The following DNAH11 variants were observed in gnomAD, a reference collection of about 807,000 sequenced individuals.
DNAH11 encodes dynein axonemal heavy chain 11.
DNAH11 carries 442 observed loss-of-function variants against 526.0 expected under a neutral mutation model. That is an observed-to-expected ratio of 0.84 (90% CI 0.78 to 0.91). The LOEUF (loss-of-function observed/expected upper bound fraction) is 0.91, where lower values mean the gene tolerates loss of function less well. Among genes scored for constraint, DNAH11 ranks in the 40% least tolerant of loss-of-function variants. DNAH11 has a pLI of 0.00. For missense variants in DNAH11, 6,989 were observed against 5,448.7 expected (o/e 1.28, Z -8.90); for synonymous variants, 2,461 against 1,935.9 (o/e 1.27, Z -7.12).
At chr7:21,684,541 A>C (rs2128473230) in intron 32 of DNAH11, among the ~76,000 whole-genome samples, 1 of 152,338 alleles carries the variant, frequency 6.6e-6, no homozygotes, top group South Asian at 2.1e-4. Context: ...ATTGTCTTGA[A>C]GGGAGAGCCT....
intron 22 of DNAH11, 38 bp from the exon 23 acceptor site, chr7:21,617,581 A>G (rs1232764533): frequency 6.2e-7 from 1 of 1,610,152 alleles, no homozygotes; most frequent in Non-Finnish European, 8.5e-7. Context: ...ACTGTGTTAT[A>G]TCTTGGGAGC....
At chr7:21,731,012 T>C (rs1785359901) in intron 45 of DNAH11, among the ~76,000 whole-genome samples, 2 of 152,012 alleles carry the variant, frequency 1.3e-5, no homozygotes, top group African/African-American at 4.8e-5. Flanking sequence ...GGTGTGGTGG[T>C]GTGCGCCTAT....
chr7:21,802,303 C>T (rs1789030067), intron 62 of DNAH11, among the ~76,000 whole-genome samples: 1 of 151,998 alleles, frequency 6.6e-6, no homozygotes, highest in Non-Finnish European at 1.5e-5. Context: ...TCATAACCAC[C>T]AGGATGACTA....
intron 25 of DNAH11, among the ~76,000 whole-genome samples, chr7:21,626,820 G>A (rs997944824): frequency 8.5e-5 from 12 of 141,310 alleles, no homozygotes; most frequent in East Asian, 4.2e-4. Context: ...GCGTGATCTC[G>A]GCTCACTGCA....
intron 63 of DNAH11, among the ~76,000 whole-genome samples, chr7:21,813,392 A>G (rs560142949): frequency 6.6e-6 from 1 of 152,348 alleles, no homozygotes; most frequent in South Asian, 2.1e-4. Context: ...AAATAGAGAT[A>G]TCTACCTTGC....
intron 46 of DNAH11, among the ~76,000 whole-genome samples, chr7:21,737,128 T>C (rs751890396): frequency 1.4e-4 from 21 of 152,162 alleles, no homozygotes; most frequent in Non-Finnish European, 2.4e-4. Flanking sequence ...ATTTCAAACA[T>C]TTGAGCTGGG....
chr7:21,827,016 C>A (rs1442197779), intron 65 of DNAH11, among the ~76,000 whole-genome samples: 1 of 152,158 alleles, frequency 6.6e-6, no homozygotes, highest in Admixed American at 6.5e-5. Context: ...GTAATGAATA[C>A]TAATTACTCC....
At chr7:21,748,074 G>A (rs1466559214) in intron 51 of DNAH11, among the ~76,000 whole-genome samples, 3 of 152,184 alleles carry the variant, frequency 2.0e-5, no homozygotes, top group African/African-American at 4.8e-5. Flanking sequence ...GCAGTTCAAG[G>A]GTTAGGGTGA....
chr7:21,629,253 T>C (rs776715931), intron 25 of DNAH11, among the ~76,000 whole-genome samples: 4 of 152,294 alleles, frequency 2.6e-5, no homozygotes, highest in Admixed American at 6.5e-5. Context: ...TTTTATTTCA[T>C]TGTAATCAGA....
chr7:21,758,299 CTG>C (rs1234522921), intron 54 of DNAH11, among the ~76,000 whole-genome samples: 1 of 152,230 alleles, frequency 6.6e-6, no homozygotes, highest in African/African-American at 2.4e-5. Flanking sequence ...ACCTTGTACT[CTG>C]TATCTGAGGT....
At chr7:21,847,679 C>T (rs985957805) in intron 66 of DNAH11, among the ~76,000 whole-genome samples, 2 of 152,088 alleles carry the variant, frequency 1.3e-5, no homozygotes, top group African/African-American at 4.8e-5. Flanking sequence ...GACATTCGAT[C>T]CGGTTGATTG....
At chr7:21,813,803 A>G (rs1184138353) in intron 63 of DNAH11, among the ~76,000 whole-genome samples, 1 of 152,230 alleles carries the variant, frequency 6.6e-6, no homozygotes, top group African/African-American at 2.4e-5. Flanking sequence ...GTCTGACTCT[A>G]GAAGCAGACT....
intron 35 of DNAH11, among the ~76,000 whole-genome samples, chr7:21,697,375 G>T (rs781415607): frequency 3.3e-5 from 5 of 152,058 alleles, no homozygotes; most frequent in Admixed American, 6.6e-5. Context: ...TGGTGTGCTG[G>T]CAGTGGCTGG....
intron 54 of DNAH11, 24 bp downstream of exon 54, chr7:21,750,388 C>A: frequency 6.3e-7 from 1 of 1,581,440 alleles, no homozygotes; most frequent in East Asian, 2.3e-5. Context: ...GCTTAATTTG[C>A]ATGTTAGTTA....
Position 21,581,238 on chromosome 7 carries a change from C to T in DNAH11, c.1594-667C>T, listed in dbSNP as rs575484929. ...TGGGACTTCTTTACTGGAGACTCAA[C>T]TCTGATGCTGTGAAGATAATAGTTA... is the stretch of plus-strand genomic sequence containing the variant. On this transcript the variant is annotated intron_variant, in intron 8 of 81. Transcript: ENST00000409508. Among the ~76,000 whole-genome samples, 4 of 152,304 alleles carry T rather than the reference C, an allele frequency of 2.6e-5. No individual in the cohort carries two copies. The East Asian group carries it at 7.7e-4, about 29-fold the overall frequency.
chr7:21,590,232 G>T (rs554657673), intron 12 of DNAH11, among the ~76,000 whole-genome samples: 1 of 152,092 alleles, frequency 6.6e-6, no homozygotes, highest in Non-Finnish European at 1.5e-5. Context: ...ATGTATATAT[G>T]TATGTATATG....
chr7:21,698,350 T>C (rs184452093), intron 36 of DNAH11, 137 bp downstream of exon 36: 3 of 1,252,232 alleles, frequency 2.4e-6, no homozygotes, highest in East Asian at 5.1e-5. Flanking sequence ...TTCAATAGTT[T>C]GGGGGAACAG....
intron 33 of DNAH11, 55 bp from the exon 34 acceptor site, chr7:21,687,327 T>C (rs1783419797): frequency 6.4e-7 from 1 of 1,574,532 alleles, no homozygotes; most frequent in African/African-American, 1.4e-5. Context: ...TTATTCAATA[T>C]AATAGCGTAA....
chr7:21,801,062 C>A, intron 61 of DNAH11, 75 bp from the exon 62 acceptor site: 1 of 1,475,756 alleles, frequency 6.8e-7, no homozygotes, highest in Non-Finnish European at 9.3e-7. Flanking sequence ...CTTACAGTAA[C>A]AGATGTTTTA....
Sources: allele counts gnomAD v4.1 joint callset (sites outside exome capture counted in the v4.1 genomes callset), GRCh38; gene constraint gnomAD v4.1.1; transcripts MANE v1.5; gene names NCBI Gene and HGNC (gene_info 2026-07-23, HGNC 2026-07-21).